The following PROX1 variants were observed in gnomAD, a reference collection of about 807,000 sequenced individuals.
The protein encoded by PROX1 is prospero homeobox 1.
A neutral mutation model predicts 58.8 loss-of-function variants in PROX1; 7 were observed. That is an observed-to-expected ratio of 0.12 (90% CI 0.07 to 0.22). PROX1 has a LOEUF of 0.22. Ranked by LOEUF, PROX1 falls within the 10% of genes least tolerant of loss-of-function variation. PROX1 has a pLI of 1.00. For missense variants in PROX1, 675 were observed against 927.8 expected, an observed-to-expected ratio of 0.73 and a Z score of 3.54; for synonymous variants, 350 against 358.3, an observed-to-expected ratio of 0.98 and a Z score of 0.26.
intron 4 of PROX1, among the ~76,000 whole-genome samples, chr1:214,015,259 C>A (rs899419804): frequency 6.6e-6 from 1 of 152,024 alleles, no homozygotes; most frequent in Non-Finnish European, 1.5e-5. Flanking sequence ...TGCTTCTGTG[C>A]GTGAGTGTGT....
At chr1:214,016,325 ATATTTGGAAGACTTT>A (rs1664093070) in intron 4 of PROX1, among the ~76,000 whole-genome samples, 1 of 148,160 alleles carries the variant, frequency 6.7e-6, no homozygotes, top group Non-Finnish European at 1.5e-5. Context: ...AAGATTTAAT[ATATTTGGAAGACTTT>A]TATTCGCATT....
At chr1:214,020,008 C>T (rs963093933) in intron 4 of PROX1, among the ~76,000 whole-genome samples, 4 of 152,112 alleles carry the variant, frequency 2.6e-5, no homozygotes, top group African/African-American at 9.7e-5. Flanking sequence ...GAATCCTTCC[C>T]CACTCCTGAC....
At chr1:214,032,351 C>T (rs945879154) in intron 4 of PROX1, among the ~76,000 whole-genome samples, 2 of 152,008 alleles carry the variant, frequency 1.3e-5, no homozygotes, top group Non-Finnish European at 2.9e-5. Context: ...GAGATCTATT[C>T]GAACTCTTTG....
intron 4 of PROX1, among the ~76,000 whole-genome samples, chr1:214,032,093 G>T (rs960563884): frequency 6.6e-6 from 1 of 152,032 alleles, no homozygotes; most frequent in Non-Finnish European, 1.5e-5. Flanking sequence ...CTCCTCCAGG[G>T]CATCTTTTAT....
intron 4 of PROX1, among the ~76,000 whole-genome samples, chr1:214,034,478 A>T (rs1292605337): frequency 1.3e-5 from 2 of 152,252 alleles, no homozygotes; most frequent in Non-Finnish European, 1.5e-5. Flanking sequence ...TAAGTACCCC[A>T]CTAAAAGAAA....
upstream of PROX1, chr1:213,984,422 T>G (rs1662774594): frequency 6.6e-6 from 1 of 152,260 alleles, no homozygotes; most frequent in Non-Finnish European, 1.5e-5. Flanking sequence ...TCAACTTCTT[T>G]GGAGTGATTG....
chr1:214,006,254 G>A (rs1414434654), intron 3 of PROX1, among the ~76,000 whole-genome samples: 3 of 146,766 alleles, frequency 2.0e-5, no homozygotes, highest in East Asian at 2.1e-4. Flanking sequence ...ACTGCTCCCC[G>A]CACGCAGCTT....
At chr1:214,002,482 A>G (rs1399162902) in intron 2 of PROX1, among the ~76,000 whole-genome samples, 1 of 145,718 alleles carries the variant, frequency 6.9e-6, no homozygotes, top group East Asian at 2.0e-4. Flanking sequence ...TGCATTACAC[A>G]TAGAATTGAA....
At chr1:213,999,902 C>T (rs1329633843) in intron 2 of PROX1, among the ~76,000 whole-genome samples, 1 of 151,954 alleles carries the variant, frequency 6.6e-6, no homozygotes, top group African/African-American at 2.4e-5. Context: ...GTTTTTGTGC[C>T]CTTTGCAAAA....
chr1:214,000,145 T>G (rs543772356), intron 2 of PROX1, among the ~76,000 whole-genome samples: 2 of 152,286 alleles, frequency 1.3e-5, no homozygotes, highest in Non-Finnish European at 2.9e-5. Flanking sequence ...GTTTCAAAAC[T>G]CCTGTAAGTC....
Position 214,011,733 on chromosome 1 carries a change from T to C in PROX1, c.2028+18T>C. On this transcript the variant is annotated intron_variant, in intron 4 of 4. Coordinates refer to ENST00000366958, the MANE Select transcript of PROX1 (RefSeq NM_001270616.2). Reference sequence around the variant, plus strand: ...ACTTTGAGGTAGGAACTAATCTTTATTTTTTGGTCATCTCCCTTTTCCTTT... The same window carrying C: ...ACTTTGAGGTAGGAACTAATCTTTACTTTTTGGTCATCTCCCTTTTCCTTT... 6.5e-7 allele frequency: 1 copy of C among 1,533,058 alleles called. No homozygotes were observed. Among genetic ancestry groups the C allele is most frequent in the Non-Finnish European group, 8.8e-7 (1 of 1,137,466 alleles). The allele number at this position is 1,533,058 out of a possible 1,614,324, so 95.0% of individuals were successfully genotyped here. A position where few individuals can be genotyped will look rare whatever the true frequency, so the allele number is the denominator to read the frequency against.
intron 1 of PROX1, among the ~76,000 whole-genome samples, chr1:213,988,987 C>T (rs569137154): frequency 7.9e-5 from 12 of 151,442 alleles, no homozygotes; most frequent in African/African-American, 2.9e-4. Context: ...TCCTTCCGAT[C>T]TCCCCAGGCT....
At chr1:213,987,016 C>T (rs1043550939), upstream of PROX1, among the ~76,000 whole-genome samples, 2 of 152,166 alleles carry the variant, frequency 1.3e-5, no homozygotes, top group African/African-American at 4.8e-5. Flanking sequence ...GTTGCCCAGG[C>T]GTCAAAACTG....
chr1:214,035,873 A>G lies in PROX1; in HGVS notation c.*39A>G. 2 of 1,561,212 alleles carry G rather than the reference A, an allele frequency of 1.3e-6. No homozygotes were observed. The highest frequency in any genetic ancestry group is 1.7e-6 in the Non-Finnish European group (2 of 1,147,270). ...TCTTTTTGAATGTATGAAGAGTAGCAGTCCCCTTTGGATGTCCAAGTTATA... is the reference window on the plus strand; with the variant it reads ...TCTTTTTGAATGTATGAAGAGTAGCGGTCCCCTTTGGATGTCCAAGTTATA... On this transcript the variant is annotated 3_prime_UTR_variant, in exon 5 of 5. Coordinates refer to ENST00000366958, the MANE Select transcript of PROX1 (RefSeq NM_001270616.2).
chr1:214,024,649 C>T (rs1382573621), intron 4 of PROX1, among the ~76,000 whole-genome samples: 2 of 152,202 alleles, frequency 1.3e-5, no homozygotes, highest in Non-Finnish European at 2.9e-5. Context: ...AATAGCAATA[C>T]AGGGCACACA....
chr1:213,990,907 C>T (rs1427987863), intron 1 of PROX1, among the ~76,000 whole-genome samples: 1 of 152,028 alleles, frequency 6.6e-6, no homozygotes, highest in Admixed American at 6.5e-5. Context: ...CTGTCATTGT[C>T]CCAGACATGT....
intron 4 of PROX1, chr1:214,030,313 C>G (rs1263304347): frequency 6.6e-6 from 1 of 152,174 alleles, no homozygotes; most frequent in Admixed American, 6.6e-5. Flanking sequence ...TTCCATTTCT[C>G]CATCGAAGCA....
At chr1:213,996,144 G>T (rs1480416439) in intron 1 of PROX1, among the ~76,000 whole-genome samples, 1 of 152,044 alleles carries the variant, frequency 6.6e-6, no homozygotes, top group Admixed American at 6.6e-5. Context: ...TAATCAATTG[G>T]TTGTCAGAGG....
intron 4 of PROX1, among the ~76,000 whole-genome samples, chr1:214,022,415 A>G (rs769069970): frequency 1.1e-4 from 16 of 152,268 alleles, no homozygotes; most frequent in Non-Finnish European, 2.1e-4. Context: ...TCTGTGGTCC[A>G]ATTATTGCAC....
Sources: allele counts gnomAD v4.1 joint callset (sites outside exome capture counted in the v4.1 genomes callset), GRCh38; gene constraint gnomAD v4.1.1; transcripts MANE v1.5; gene names NCBI Gene and HGNC (gene_info 2026-07-23, HGNC 2026-07-21).